Variants in PTCHD4 observed in about 807,000 individuals in gnomAD.
PTCHD4 encodes patched domain-containing protein 4.
Under a neutral mutation model 58.1 loss-of-function variants are expected in PTCHD4, and 33 were observed. The ratio of observed to expected loss-of-function variants is 0.57; its 90% CI spans 0.43 to 0.76. The LOEUF (loss-of-function observed/expected upper bound fraction) is 0.76. PTCHD4 is among the 30% of genes least tolerant of loss of function. The pLI is 0.00. For synonymous variants in PTCHD4, 478 were observed against 409.6 expected (o/e 1.17, Z -2.02); for missense variants, 1,058 against 1,027.1 (o/e 1.03, Z -0.41).
At chr6:47,939,438 C>T (rs1766125983) in intron 4 of PTCHD4, among the ~76,000 whole-genome samples, 1 of 151,962 alleles carries the variant, frequency 6.6e-6, no homozygotes, top group Non-Finnish European at 1.5e-5. Context: ...GAGGCTGGAG[C>T]TAAAATTGCC....
chr6:48,014,945 T>G (rs1275175555), intron 3 of PTCHD4, among the ~76,000 whole-genome samples: 1 of 152,072 alleles, frequency 6.6e-6, no homozygotes, highest in Non-Finnish European at 1.5e-5. Context: ...TCTTTATGAT[T>G]AAAAGTTATT....
intron 1 of PTCHD4, among the ~76,000 whole-genome samples, chr6:48,100,032 A>G (rs1449259621): frequency 6.6e-6 from 1 of 152,180 alleles, no homozygotes; most frequent in Admixed American, 6.5e-5. Context: ...ATGTAACAGG[A>G]CAGGAAGAGT....
At chr6:48,108,102 C>T (rs964382092) in intron 1 of PTCHD4, among the ~76,000 whole-genome samples, 1 of 152,078 alleles carries the variant, frequency 6.6e-6, no homozygotes, top group African/African-American at 2.4e-5. Context: ...TATTACTGGG[C>T]ATATACCCAA....
At chr6:48,024,039 T>A (rs961596149) in intron 3 of PTCHD4, among the ~76,000 whole-genome samples, 1 of 152,038 alleles carries the variant, frequency 6.6e-6, no homozygotes, top group Non-Finnish European at 1.5e-5. Context: ...TTACTTAGAG[T>A]CTCTAAGTGT....
At chr6:48,074,901 G>A (rs368076299) in intron 1 of PTCHD4, among the ~76,000 whole-genome samples, 1 of 151,902 alleles carries the variant, frequency 6.6e-6, no homozygotes, top group South Asian at 2.1e-4. Context: ...CTTTATAATG[G>A]TACAGGAAGG....
chr6:47,924,124 A>C (rs1765519987), intron 4 of PTCHD4, among the ~76,000 whole-genome samples: 2 of 151,952 alleles, frequency 1.3e-5, no homozygotes. Context: ...GGAATTCACT[A>C]TCTTGGTCAA....
In PTCHD4 at chr6:48,026,824, C is replaced by T. The variant is rs142796342; in HGVS notation, c.418-17710G>A. On this transcript the variant is annotated intron_variant, in intron 3 of 4. Transcript: ENST00000339488. Reference sequence around the variant, plus strand: ...ATAGTCCATAGCCTCCACAAGATTACATATTGGGGCAGACGAAAATATTAA... The same window carrying T: ...ATAGTCCATAGCCTCCACAAGATTATATATTGGGGCAGACGAAAATATTAA... 3.0e-4 allele frequency among the ~76,000 whole-genome samples: 45 copies of T among 152,178 alleles called. No homozygotes were observed. In the East Asian group the frequency reaches 8.7e-3, roughly 29 times the overall value.
intron 4 of PTCHD4, among the ~76,000 whole-genome samples, chr6:47,979,541 T>G (rs1767805375): frequency 6.6e-6 from 1 of 152,052 alleles, no homozygotes; most frequent in South Asian, 2.1e-4. Flanking sequence ...TCAGCTTTTT[T>G]GGTTATGTTT....
At chr6:48,029,309 C>CT (rs1293442158) in intron 3 of PTCHD4, among the ~76,000 whole-genome samples, 2 of 152,020 alleles carry the variant, frequency 1.3e-5, no homozygotes, top group Non-Finnish European at 2.9e-5. Flanking sequence ...ATAAAAAACT[C>CT]TGACATATAC....
intron 3 of PTCHD4, among the ~76,000 whole-genome samples, chr6:48,045,274 C>A (rs1023982598): frequency 2.6e-5 from 4 of 151,804 alleles, no homozygotes; most frequent in Non-Finnish European, 5.9e-5. Flanking sequence ...AGAAAGTTTT[C>A]TTTGGCCTAA....
At chr6:48,110,160 A>G (rs148771289) in intron 1 of PTCHD4, among the ~76,000 whole-genome samples, 100 of 152,326 alleles carry the variant, frequency 6.6e-4, no homozygotes, top group African/African-American at 2.0e-3. Flanking sequence ...TTGTACTACC[A>G]CGCTTATTGC....
intron 4 of PTCHD4, among the ~76,000 whole-genome samples, chr6:48,002,904 C>G (rs560830082): frequency 1.3e-5 from 2 of 152,224 alleles, no homozygotes; most frequent in African/African-American, 4.8e-5. Context: ...TTCTATATTG[C>G]TAAATCAGAT....
At chr6:47,928,374 T>C (rs1765695511) in intron 4 of PTCHD4, among the ~76,000 whole-genome samples, 1 of 152,324 alleles carries the variant, frequency 6.6e-6, no homozygotes, top group East Asian at 1.9e-4. Context: ...TCTAAAAGAA[T>C]ACTATGTTAT....
chr6:48,063,581 A>G (rs555824617), intron 3 of PTCHD4, among the ~76,000 whole-genome samples: 2 of 152,310 alleles, frequency 1.3e-5, no homozygotes, highest in East Asian at 3.9e-4. Flanking sequence ...GGGGACTTCA[A>G]GGAAGTCAAC....
chr6:48,100,993 T>C (rs1351264282), intron 1 of PTCHD4, among the ~76,000 whole-genome samples: 2 of 151,568 alleles, frequency 1.3e-5, no homozygotes, highest in Non-Finnish European at 2.9e-5. Flanking sequence ...GTAATCAAAA[T>C]AAATATGGAG....
chr6:47,867,203 G>A lies in PTCHD4; in HGVS notation c.*11100C>T, dbSNP rs920912456. ...GAGCTGTTTGTTCTGGAGAGTTTGG[G>A]TTCCCAGCAATCCATGTCAGTCTCT... On this transcript the variant is annotated 3_prime_UTR_variant, in exon 5 of 5. Coordinates refer to ENST00000339488, the MANE Select transcript of PTCHD4 (RefSeq NM_001384253.1). Among the ~76,000 whole-genome samples the A allele has an allele frequency of 1.2e-4, 18 of 151,680 alleles. No homozygotes were observed. Among genetic ancestry groups the A allele is most frequent in the African/African-American group, 4.1e-4 (17 of 41,348 alleles).
At chr6:48,092,000 CACACAT>C (rs1765375536) in intron 1 of PTCHD4, among the ~76,000 whole-genome samples, 4 of 146,888 alleles carry the variant, frequency 2.7e-5, no homozygotes, top group African/African-American at 9.9e-5. Context: ...CATACACACA[CACACAT>C]ACACACACAC....
Position 47,860,076 on chromosome 6 carries a change from G to A in PTCHD4, c.*18227C>T, listed in dbSNP as rs986675136. ...AAAATGCCTTCTTCAAGGCCTATTT[G>A]AAGCTGCATTTCCTTCTTGAAGTAT... On this transcript the variant is annotated 3_prime_UTR_variant, in exon 5 of 5. Coordinates refer to ENST00000339488, the MANE Select transcript of PTCHD4 (RefSeq NM_001384253.1). 2.0e-5 allele frequency among the ~76,000 whole-genome samples: 3 copies of A among 152,124 alleles called. No homozygotes were observed. The highest frequency in any genetic ancestry group is 3.4e-3 in the Middle Eastern group (1 of 294).
chr6:48,057,457 C>T lies in PTCHD4; in HGVS notation c.417+10773G>A, dbSNP rs143671908. 3.7e-3 allele frequency among the ~76,000 whole-genome samples: 566 copies of T among 152,306 alleles called. 6 individuals are homozygous for T. Among genetic ancestry groups the T allele is most frequent in the African/African-American group, 0.013 (539 of 41,578 alleles). ...AAATGCCCTATTAGTTCATTAGACACATACACTTACACTTTAGTAGAGATT... is the reference window on the plus strand; with the variant it reads ...AAATGCCCTATTAGTTCATTAGACATATACACTTACACTTTAGTAGAGATT... On this transcript the variant is annotated intron_variant, in intron 3 of 4. Coordinates refer to ENST00000339488, the MANE Select transcript of PTCHD4 (RefSeq NM_001384253.1).
Sources: gnomAD v4.1 joint callset for allele counts (sites outside exome capture counted in the v4.1 genomes callset) on GRCh38, gnomAD v4.1.1 for gene constraint, MANE v1.5 for transcripts, NCBI Gene and HGNC (gene_info 2026-07-23, HGNC 2026-07-21) for gene names.